The following PRKG1 variants were observed in gnomAD, a reference collection of about 807,000 sequenced individuals.
PRKG1 encodes cGMP-dependent protein kinase 1.
A neutral mutation model predicts 88.1 loss-of-function variants in PRKG1; 35 were observed. The observed-to-expected ratio is 0.40, with a 90% confidence interval of 0.30 to 0.53. PRKG1 has a LOEUF of 0.53. PRKG1 is among the 20% of genes least tolerant of loss of function. PRKG1 has a pLI of 0.59. For synonymous variants in PRKG1, 303 were observed against 292.5 expected (o/e 1.04, Z -0.37); for missense variants, 540 against 839.8 (o/e 0.64, Z 4.41).
chr10:52,162,841 TC>T (rs1282448132), intron 9 of PRKG1, among the ~76,000 whole-genome samples: 4 of 152,162 alleles, frequency 2.6e-5, no homozygotes, highest in African/African-American at 9.7e-5. Flanking sequence ...ATTCACAATT[TC>T]TCCTCTGTAT....
At chr10:51,182,542 C>T (rs909789377) in intron 2 of PRKG1, among the ~76,000 whole-genome samples, 5 of 152,162 alleles carry the variant, frequency 3.3e-5, no homozygotes, top group African/African-American at 1.2e-4. Context: ...GGGCTTACTA[C>T]TGCCCATATT....
chr10:51,430,700 A>G (rs1838736429), intron 2 of PRKG1, among the ~76,000 whole-genome samples: 1 of 152,252 alleles, frequency 6.6e-6, no homozygotes, highest in South Asian at 2.1e-4. Context: ...CAATCCAGGT[A>G]TCTATCAACT....
At chr10:51,423,685 T>C (rs1838485547) in intron 2 of PRKG1, among the ~76,000 whole-genome samples, 2 of 152,156 alleles carry the variant, frequency 1.3e-5, no homozygotes, top group South Asian at 4.1e-4. Context: ...CAAAGCAATA[T>C]CTATATTATG....
At position 51,913,546 on chromosome 10, in the gene PRKG1, A is replaced by G. The variant is rs956979949; in HGVS notation, c.762+5976A>G. ...TGTATAGTGAATCACTCCTTCTTCA[A>G]GAACAAATGAGAGTTTTCTCTAGTC... On this transcript the variant is annotated intron_variant, in intron 5 of 17. Transcript: ENST00000373980. Among the ~76,000 whole-genome samples, 5 of 152,196 alleles carry G rather than the reference A, an allele frequency of 3.3e-5. No homozygotes were observed. In the South Asian group the frequency reaches 8.3e-4, roughly 25 times the overall value.
At chr10:51,110,512 C>T (rs899144446) in intron 1 of PRKG1, among the ~76,000 whole-genome samples, 2 of 151,978 alleles carry the variant, frequency 1.3e-5, no homozygotes, top group Admixed American at 6.6e-5. Flanking sequence ...ACAGAACAAA[C>T]CGGTGGTTGC....
chr10:52,041,452 G>A (rs554048557), intron 5 of PRKG1, among the ~76,000 whole-genome samples: 27 of 152,186 alleles, frequency 1.8e-4, no homozygotes, highest in Non-Finnish European at 2.9e-4. Context: ...TATTGTTGTG[G>A]TCTTGACTGG....
At chr10:51,820,212 T>C (rs1205287385) in intron 4 of PRKG1, among the ~76,000 whole-genome samples, 1 of 152,188 alleles carries the variant, frequency 6.6e-6, no homozygotes. Flanking sequence ...TTAACCTAAT[T>C]ATTTTAGTGA....
chr10:51,251,140 A>G (rs1429425763), intron 2 of PRKG1, among the ~76,000 whole-genome samples: 1 of 151,798 alleles, frequency 6.6e-6, no homozygotes, highest in East Asian at 1.9e-4. Context: ...TCCCATAATA[A>G]CACATGGTAA....
intron 5 of PRKG1, among the ~76,000 whole-genome samples, chr10:52,034,422 A>G (rs1193903182): frequency 6.7e-6 from 1 of 148,178 alleles, no homozygotes; most frequent in Non-Finnish European, 1.5e-5. Context: ...GGATGTTAGA[A>G]GAAACATTTG....
chr10:51,542,345 C>A (rs1430964119), intron 3 of PRKG1, among the ~76,000 whole-genome samples: 3 of 152,044 alleles, frequency 2.0e-5, no homozygotes, highest in African/African-American at 7.2e-5. Context: ...TTACGTGCAT[C>A]CACCAATTTT....
At chr10:51,945,551 C>G (rs183191988) in intron 5 of PRKG1, among the ~76,000 whole-genome samples, 9,842 of 151,754 alleles carry the variant, frequency 0.065, 846 homozygotes, top group African/African-American at 0.19. Flanking sequence ...TTCCTAGCCT[C>G]GATGGTCTTT....
At chr10:51,966,953 C>A (rs1159809609) in intron 5 of PRKG1, among the ~76,000 whole-genome samples, 1 of 152,226 alleles carries the variant, frequency 6.6e-6, no homozygotes, top group Non-Finnish European at 1.5e-5. Context: ...CACATTTACA[C>A]TGTTGGTGGG....
At chr10:51,829,548 G>T (rs1202440307) in intron 4 of PRKG1, among the ~76,000 whole-genome samples, 2 of 152,134 alleles carry the variant, frequency 1.3e-5, no homozygotes, top group African/African-American at 4.8e-5. Context: ...GGAAATTATT[G>T]TTAGTGTTTG....
chr10:51,002,202 G>A (rs1406623868), intron 1 of PRKG1, among the ~76,000 whole-genome samples: 1 of 151,400 alleles, frequency 6.6e-6, no homozygotes. Flanking sequence ...GTATGTGTGA[G>A]GAGACTAAAG....
intron 3 of PRKG1, among the ~76,000 whole-genome samples, chr10:51,475,560 T>C (rs1305654757): frequency 1.3e-5 from 2 of 152,208 alleles, no homozygotes; most frequent in East Asian, 3.9e-4. Context: ...GTCAGTGTTA[T>C]TATTGGCATC....
chr10:51,192,376 A>G (rs1837652917), intron 2 of PRKG1, among the ~76,000 whole-genome samples: 2 of 151,816 alleles, frequency 1.3e-5, no homozygotes, highest in South Asian at 4.1e-4. Flanking sequence ...TTGAGATGGG[A>G]CTCTATTAAA....
At chr10:52,135,180 CG>C (rs1338698339) in intron 8 of PRKG1, among the ~76,000 whole-genome samples, 1 of 151,760 alleles carries the variant, frequency 6.6e-6, no homozygotes, top group African/African-American at 2.4e-5. Context: ...TGAGAAGAGT[CG>C]GGGAGGTGTT....
chr10:51,528,481 A>G (rs1355965485), intron 3 of PRKG1, among the ~76,000 whole-genome samples: 1 of 134,020 alleles, frequency 7.5e-6, no homozygotes. Flanking sequence ...AAGACTGTCT[A>G]TCTTCTTTTG....
At position 51,105,454 on chromosome 10, in the gene PRKG1, A is replaced by G. The variant is rs564187616; in HGVS notation, c.311+30553A>G. 2.0e-5 allele frequency among the ~76,000 whole-genome samples: 3 copies of G among 152,318 alleles called. No individual in the cohort carries two copies. In the South Asian group the frequency reaches 6.2e-4, roughly 32 times the overall value. On this transcript the variant is annotated intron_variant, in intron 1 of 17. Transcript: ENST00000373980. ...GTGTGGGAAGTGAGGTGCTAGCTAT[A>G]TCAAATTCTTTTTGTTTCAAAGACA...
Sources: gnomAD v4.1 joint callset for allele counts (sites outside exome capture counted in the v4.1 genomes callset) on GRCh38, gnomAD v4.1.1 for gene constraint, MANE v1.5 for transcripts, NCBI Gene and HGNC (gene_info 2026-07-23, HGNC 2026-07-21) for gene names.